CTNNA3: variants seen among roughly 807,000 people sequenced by gnomAD.
CTNNA3 encodes the protein catenin alpha 3.
CTNNA3 carries 76 observed loss-of-function variants against 95.7 expected under a neutral mutation model. The observed-to-expected ratio is 0.79, with a 90% confidence interval of 0.66 to 0.96. The LOEUF (loss-of-function observed/expected upper bound fraction) is 0.96. Among genes scored for constraint, CTNNA3 ranks in the 40% least tolerant of loss-of-function variants. The pLI is 0.00. For missense variants in CTNNA3, 1,191 were observed against 1,089.8 expected, an observed-to-expected ratio of 1.09 and a Z score of -1.31; for synonymous variants, 431 against 374.4, an observed-to-expected ratio of 1.15 and a Z score of -1.74.
intron 10 of CTNNA3, among the ~76,000 whole-genome samples, chr10:66,530,312 A>T (rs1386144): frequency 0.62 from 94,688 of 151,930 alleles, 30,162 homozygotes; most frequent in Middle Eastern, 0.75. Context: ...TTATGTAACA[A>T]CCACTTAAAT....
At chr10:66,668,857 T>A (rs909892989) in intron 9 of CTNNA3, among the ~76,000 whole-genome samples, 7 of 151,956 alleles carry the variant, frequency 4.6e-5, no homozygotes, top group African/African-American at 1.7e-4. Flanking sequence ...ATTCTATATA[T>A]ATATATCTCA....
intron 5 of CTNNA3, among the ~76,000 whole-genome samples, chr10:67,364,637 G>A (rs150374293): frequency 0.012 from 1,779 of 152,210 alleles, 35 homozygotes; most frequent in African/African-American, 0.041. Context: ...TTACTACAAA[G>A]AGAATAAAAT....
intron 7 of CTNNA3, among the ~76,000 whole-genome samples, chr10:66,837,058 G>C (rs911318836): frequency 6.6e-6 from 1 of 151,830 alleles, no homozygotes; most frequent in African/African-American, 2.4e-5. Flanking sequence ...CTTTGTGAAG[G>C]TAAAAAAATT....
intron 9 of CTNNA3, among the ~76,000 whole-genome samples, chr10:66,700,737 A>G (rs1173700274): frequency 6.6e-6 from 1 of 152,166 alleles, no homozygotes; most frequent in African/African-American, 2.4e-5. Flanking sequence ...TTCATTTTGT[A>G]AGATGTGCCT....
At chr10:66,715,797 G>C (rs1413980744) in intron 9 of CTNNA3, among the ~76,000 whole-genome samples, 1 of 151,444 alleles carries the variant, frequency 6.6e-6, no homozygotes, top group East Asian at 1.9e-4. Flanking sequence ...ATATTGCTAT[G>C]GTCAAGATTT....
chr10:65,978,379 C>G (rs1353851538), intron 16 of CTNNA3, among the ~76,000 whole-genome samples: 1 of 151,516 alleles, frequency 6.6e-6, no homozygotes, highest in African/African-American at 2.4e-5. Context: ...AATGTTTCCT[C>G]TTAGATTTTC....
chr10:67,094,739 C>T (rs1455436104), intron 7 of CTNNA3, among the ~76,000 whole-genome samples: 1 of 151,640 alleles, frequency 6.6e-6, no homozygotes, highest in Non-Finnish European at 1.5e-5. Flanking sequence ...TCTTACTTGA[C>T]ATTCCAATAA....
At chr10:67,036,643 GC>G (rs1361022576) in intron 7 of CTNNA3, among the ~76,000 whole-genome samples, 1 of 152,154 alleles carries the variant, frequency 6.6e-6, no homozygotes, top group Non-Finnish European at 1.5e-5. Context: ...AGTACTGGGA[GC>G]CACTGCACCT....
intron 13 of CTNNA3, among the ~76,000 whole-genome samples, chr10:66,192,514 A>C (rs2086733460): frequency 6.6e-6 from 1 of 152,196 alleles, no homozygotes; most frequent in Non-Finnish European, 1.5e-5. Flanking sequence ...CAGAAGTTAT[A>C]GAGAATAAGC....
At chr10:67,282,613 G>A (rs1034817900) in intron 5 of CTNNA3, among the ~76,000 whole-genome samples, 1 of 152,082 alleles carries the variant, frequency 6.6e-6, no homozygotes, top group Non-Finnish European at 1.5e-5. Flanking sequence ...ACATTATAAA[G>A]CAATAAACGC....
intron 7 of CTNNA3, among the ~76,000 whole-genome samples, chr10:66,833,179 A>T (rs1842780812): frequency 6.6e-6 from 1 of 152,194 alleles, no homozygotes; most frequent in Admixed American, 6.5e-5. Flanking sequence ...GAATCATTGA[A>T]GAATCTAAAG....
chr10:67,750,793 T>C, intron 1 of CTNNA3: 1 of 1,608,926 alleles, frequency 6.2e-7, no homozygotes, highest in South Asian at 1.1e-5. Flanking sequence ...AGAGAGGCTC[T>C]TGAACAAACC....
chr10:66,835,597 A>T (rs1842860086), intron 7 of CTNNA3, among the ~76,000 whole-genome samples: 1 of 152,192 alleles, frequency 6.6e-6, no homozygotes, highest in South Asian at 2.1e-4. Flanking sequence ...GAACCCTGGA[A>T]GTGATACTTT....
chr10:66,057,159 C>G (rs995991136), intron 15 of CTNNA3, among the ~76,000 whole-genome samples: 1 of 152,108 alleles, frequency 6.6e-6, no homozygotes, highest in Non-Finnish European at 1.5e-5. Context: ...AGACTCTGCC[C>G]AAAGCAAGTG....
At chr10:66,307,794 C>A (rs990542927) in intron 12 of CTNNA3, among the ~76,000 whole-genome samples, 2 of 152,098 alleles carry the variant, frequency 1.3e-5, no homozygotes, top group African/African-American at 4.8e-5. Flanking sequence ...AAAACATATC[C>A]TTTGCAAATA....
At chr10:66,568,260 G>T (rs529008312) in intron 10 of CTNNA3, among the ~76,000 whole-genome samples, 1 of 152,278 alleles carries the variant, frequency 6.6e-6, no homozygotes, top group East Asian at 1.9e-4. Context: ...GTAGCTGAGA[G>T]TGCTTCATTG....
intron 13 of CTNNA3, among the ~76,000 whole-genome samples, chr10:66,131,779 T>C (rs1164606443): frequency 4.0e-5 from 6 of 151,828 alleles, no homozygotes; most frequent in East Asian, 1.9e-4. Context: ...TTCGACAAAG[T>C]TGACAAAAAC....
intron 7 of CTNNA3, among the ~76,000 whole-genome samples, chr10:67,014,586 T>A (rs1564832236): frequency 1.3e-5 from 2 of 152,140 alleles, no homozygotes; most frequent in Non-Finnish European, 2.9e-5. Flanking sequence ...TATAATGTAT[T>A]TGCCAAAGAC....
At chr10:67,395,962 T>G (rs1844692084) in intron 5 of CTNNA3, among the ~76,000 whole-genome samples, 1 of 152,178 alleles carries the variant, frequency 6.6e-6, no homozygotes. Flanking sequence ...CTATGTATAT[T>G]TTTTAGTATT....
Sources: allele counts gnomAD v4.1 joint callset (sites outside exome capture counted in the v4.1 genomes callset), GRCh38; gene constraint gnomAD v4.1.1; transcripts MANE v1.5; gene names NCBI Gene and HGNC (gene_info 2026-07-23, HGNC 2026-07-21).